HHIPL1: variants seen among roughly 807,000 people sequenced by gnomAD.
HHIPL1 encodes HHIP-like protein 1.
A neutral mutation model predicts 61.8 loss-of-function variants in HHIPL1; 43 were observed. That is an observed-to-expected ratio of 0.70 (90% confidence interval 0.55 to 0.90). The LOEUF (loss-of-function observed/expected upper bound fraction) is 0.90. HHIPL1 is among the 40% of genes least tolerant of loss of function. HHIPL1 has a pLI of 0.00. For missense variants in HHIPL1, 1,056 were observed against 1,157.7 expected (o/e 0.91, Z 1.28); for synonymous variants, 482 against 515.8 (o/e 0.93, Z 0.89).
chr14:99,630,606 G>C, the HHIPL1 span, among the ~76,000 whole-genome samples: 1 of 152,232 alleles, frequency 6.6e-6, no homozygotes, highest in African/African-American at 2.4e-5. Flanking sequence ...GGGAGCCCAA[G>C]AGGTGACGGA....
intron 7 of HHIPL1, among the ~76,000 whole-genome samples, chr14:99,669,870 A>G (rs1440086077): frequency 6.6e-6 from 1 of 152,234 alleles, no homozygotes; most frequent in Non-Finnish European, 1.5e-5. Flanking sequence ...GGCTGCAGTG[A>G]GCTATGATCG....
chr14:99,660,149 G>A lies in HHIPL1; in HGVS notation c.1376-131G>A. On this transcript the variant is annotated intron_variant, in intron 4 of 8. Transcript: ENST00000330710. This position sits in a 1 kb window ranked among gnomAD's most constrained non-coding sequence, Gnocchi z 4.9. Reference sequence around the variant, plus strand: ...ACCACGCCAGCCCTGCTGTGGGCACGCCAGCCCTGCTGTGGGCACGCCCCT... The same window carrying A: ...ACCACGCCAGCCCTGCTGTGGGCACACCAGCCCTGCTGTGGGCACGCCCCT... 1 of 1,126,344 alleles carries A rather than the reference G, an allele frequency of 8.9e-7. No individual in the cohort carries two copies. The allele number at this position is 1,126,344 out of a possible 1,614,324, so 69.8% of individuals were successfully genotyped here.
chr14:99,671,240 G>T (rs1463534862), intron 7 of HHIPL1, among the ~76,000 whole-genome samples: 3 of 152,194 alleles, frequency 2.0e-5, no homozygotes, highest in Admixed American at 6.5e-5. Context: ...CTACCCACAC[G>T]TAACCACTGT....
upstream of HHIPL1, among the ~76,000 whole-genome samples, chr14:99,643,181 A>G (rs991649113): frequency 6.6e-6 from 1 of 152,110 alleles, no homozygotes; most frequent in African/African-American, 2.4e-5. Context: ...CTGGGATTAT[A>G]GGCGCGTGCC....
At chr14:99,653,727 G>A (rs2140062650) in intron 2 of HHIPL1, among the ~76,000 whole-genome samples, 1 of 152,342 alleles carries the variant, frequency 6.6e-6, no homozygotes, top group Non-Finnish European at 1.5e-5. Context: ...GGCCTGCAGA[G>A]CCTGCACTCT....
At chr14:99,624,122 C>T in the HHIPL1 span, among the ~76,000 whole-genome samples, 3 of 152,310 alleles carry the variant, frequency 2.0e-5, no homozygotes, top group South Asian at 4.1e-4. Context: ...CAGAAGGGCC[C>T]GAGGCTTGCC....
the HHIPL1 span, among the ~76,000 whole-genome samples, chr14:99,616,365 A>T: frequency 1.3e-5 from 2 of 152,234 alleles, no homozygotes; most frequent in Non-Finnish European, 2.9e-5. Flanking sequence ...GTGACACGTG[A>T]CTGTAGCATA....
chr14:99,645,507 C>G (rs1400787840), intron 1 of HHIPL1, 45 bp downstream of exon 1: 5 of 1,255,852 alleles, frequency 4.0e-6, no homozygotes, highest in African/African-American at 3.1e-5. Context: ...CGCGGGAGGC[C>G]GAGTCCTGGA....
the HHIPL1 span, among the ~76,000 whole-genome samples, chr14:99,619,810 G>A: frequency 2.6e-4 from 39 of 151,346 alleles, no homozygotes; most frequent in African/African-American, 8.8e-4. Context: ...CGCCAGTTCT[G>A]TTATACAGAA....
upstream of HHIPL1, among the ~76,000 whole-genome samples, chr14:99,641,332 T>C (rs184008786): frequency 7.2e-5 from 11 of 152,270 alleles, no homozygotes; most frequent in East Asian, 1.7e-3. Flanking sequence ...TCTAGGTTGA[T>C]GGGTTTTTTA....
At chr14:99,622,607 AG>A in the HHIPL1 span, among the ~76,000 whole-genome samples, 1 of 152,086 alleles carries the variant, frequency 6.6e-6, no homozygotes, top group Admixed American at 6.5e-5. Context: ...ACCAAACCCC[AG>A]GGTCCCCAGC....
the HHIPL1 span, among the ~76,000 whole-genome samples, chr14:99,632,756 T>C: frequency 1.3e-5 from 2 of 152,154 alleles, no homozygotes; most frequent in Non-Finnish European, 2.9e-5. Context: ...TGTGTCTGCA[T>C]CGTGGTGCAC....
chr14:99,610,698 T>G, the HHIPL1 span, among the ~76,000 whole-genome samples: 2 of 152,048 alleles, frequency 1.3e-5, no homozygotes, highest in African/African-American at 4.8e-5. Context: ...GAGGCAGAGG[T>G]TGCAGTGAGC....
At position 99,659,366 on chromosome 14, in the gene HHIPL1, G is replaced by A. The variant is rs1004251305; in HGVS notation, c.1047-62G>A. 3.1e-6 allele frequency: 4 copies of A among 1,305,382 alleles called. No homozygotes were observed. The African/African-American group carries it at 6.3e-5, about 20-fold the overall frequency. 80.9% of individuals were successfully genotyped at this position (1,305,382 alleles called of 1,614,324 possible). A position where few individuals can be genotyped will look rare whatever the true frequency, so the allele number is the denominator to read the frequency against. On this transcript the variant is annotated intron_variant, in intron 3 of 8. Coordinates refer to ENST00000330710, the MANE Select transcript of HHIPL1 (RefSeq NM_001127258.3). Reference sequence around the variant, plus strand: ...GCCGGCGCCCCAGCACCTGCCCCGCGGAGCCCGTGAGCCCTGGCTCAGGGC... The same window carrying A: ...GCCGGCGCCCCAGCACCTGCCCCGCAGAGCCCGTGAGCCCTGGCTCAGGGC...
the HHIPL1 span, among the ~76,000 whole-genome samples, chr14:99,623,397 A>G: frequency 6.6e-6 from 1 of 152,152 alleles, no homozygotes; most frequent in African/African-American, 2.4e-5. Flanking sequence ...GAAGTGGTGC[A>G]GTTGAGATGA....
At chr14:99,644,467 G>C (rs897626505), upstream of HHIPL1, among the ~76,000 whole-genome samples, 1 of 151,862 alleles carries the variant, frequency 6.6e-6, no homozygotes, top group Non-Finnish European at 1.5e-5. Context: ...TGTGTGTGGG[G>C]GGGTGGGGCG....
rs1270842833 is a variant in HHIPL1 at position 99,659,773 on chromosome 14, C to T, written c.1375+17C>T. ...CCTCTCTCAGTGAGTGCCCGCGCCCCGGGGACCCCGGCCCCGAATCCGCCC... is the reference window on the plus strand; with the variant it reads ...CCTCTCTCAGTGAGTGCCCGCGCCCTGGGGACCCCGGCCCCGAATCCGCCC... On this transcript the variant is annotated intron_variant, in intron 4 of 8. Transcript: ENST00000330710. 1 of 1,329,558 alleles carries T rather than the reference C, an allele frequency of 7.5e-7. No individual in the cohort carries two copies. Among genetic ancestry groups the T allele is most frequent in the Admixed American group, 3.5e-5 (1 of 28,788 alleles). The allele number at this position is 1,329,558 out of a possible 1,614,324, so 82.4% of individuals were successfully genotyped here.
At chr14:99,632,922 C>T in the HHIPL1 span, among the ~76,000 whole-genome samples, 1 of 150,932 alleles carries the variant, frequency 6.6e-6, no homozygotes, top group African/African-American at 2.4e-5. Context: ...AGACTATTTG[C>T]ATGTATGGAT....
intron 2 of HHIPL1, among the ~76,000 whole-genome samples, chr14:99,656,543 AGGT>A (rs2056030565): frequency 6.6e-6 from 1 of 152,074 alleles, no homozygotes; most frequent in Non-Finnish European, 1.5e-5. Flanking sequence ...TGGGAAGCCA[AGGT>A]GGGCAGATCA....
Sources: gnomAD v4.1 joint callset for allele counts (sites outside exome capture counted in the v4.1 genomes callset) on GRCh38, gnomAD v4.1.1 for gene constraint, Gnocchi (gnomAD v3.1) non-coding constraint, MANE v1.5 for transcripts, NCBI Gene and HGNC (gene_info 2026-07-23, HGNC 2026-07-21) for gene names.